The following IQCJ variants were observed in gnomAD, a reference collection of about 807,000 sequenced individuals.
The protein encoded by IQCJ is IQ domain-containing protein J.
Under a neutral mutation model 11.0 loss-of-function variants are expected in IQCJ, and 9 were observed. The ratio of observed to expected loss-of-function variants is 0.82; its 90% confidence interval spans 0.49 to 1.43. The LOEUF (loss-of-function observed/expected upper bound fraction) is 1.43, where lower values mean the gene tolerates loss of function less well. IQCJ is among the 40% of genes most tolerant of loss of function. The probability of loss-of-function intolerance (pLI) is 0.00; values close to 1 mark genes in which losing one functional copy is unlikely to be tolerated. For missense variants in IQCJ, 146 were observed against 133.2 expected, an observed-to-expected ratio of 1.10 and a Z score of -0.47; for synonymous variants, 55 against 51.3, an observed-to-expected ratio of 1.07 and a Z score of -0.31.
At chr3:159,265,173 A>C (rs1728428917), downstream of IQCJ, 1 of 1,543,316 alleles carries the variant, frequency 6.5e-7, no homozygotes, top group Non-Finnish European at 8.8e-7. Flanking sequence ...AGTTGTTTGG[A>C]GTTTAGTGAG....
At chr3:159,084,969 A>AG (rs1159920252) in intron 1 of IQCJ, among the ~76,000 whole-genome samples, 3 of 151,740 alleles carry the variant, frequency 2.0e-5, no homozygotes, top group Non-Finnish European at 4.4e-5. Flanking sequence ...TACAATGTGC[A>AG]GGTTAGTTAC....
At chr3:159,178,619 C>A (rs1722921633) in intron 1 of IQCJ, among the ~76,000 whole-genome samples, 1 of 152,198 alleles carries the variant, frequency 6.6e-6, no homozygotes, top group Non-Finnish European at 1.5e-5. Flanking sequence ...GCGTTGTATG[C>A]TTTCTCACCT....
chr3:159,241,924 G>T (rs1280039407), intron 1 of IQCJ, among the ~76,000 whole-genome samples: 1 of 152,198 alleles, frequency 6.6e-6, no homozygotes, highest in Admixed American at 6.5e-5. Context: ...CACAAGTGAT[G>T]GGTGACATTT....
intron 1 of IQCJ, among the ~76,000 whole-genome samples, chr3:159,194,831 G>A (rs986348242): frequency 6.6e-6 from 1 of 152,114 alleles, no homozygotes; most frequent in Non-Finnish European, 1.5e-5. Context: ...TCTGTATCAC[G>A]ACTGGGTGTG....
rs1469185449 is a variant in IQCJ at position 159,212,331 on chromosome 3, C to T, written c.10-33512C>T. 2.0e-5 allele frequency among the ~76,000 whole-genome samples: 3 copies of T among 152,088 alleles called. 1 individual carries two copies. Among genetic ancestry groups the T allele is most frequent in the African/African-American group, 7.2e-5 (3 of 41,420 alleles). ...GCTGCGTGGTCCTATGCCAGTCAAC[C>T]TTGGCACCTCAGTCTTGTTATCTGT... On this transcript the variant is annotated intron_variant, in intron 1 of 3. Transcript: ENST00000397832.
chr3:159,163,033 G>A (rs986452661), intron 1 of IQCJ, among the ~76,000 whole-genome samples: 12 of 152,142 alleles, frequency 7.9e-5, no homozygotes, highest in Non-Finnish European at 1.2e-4. Context: ...AAACTATTCT[G>A]ATCAGTAGAA....
intron 1 of IQCJ, among the ~76,000 whole-genome samples, chr3:159,078,323 G>A (rs577123867): frequency 2.0e-5 from 3 of 152,080 alleles, no homozygotes; most frequent in South Asian, 4.1e-4. Context: ...TTTGAGGGTG[G>A]AAGTAATTTG....
At chr3:159,125,459 C>T (rs971912459) in intron 1 of IQCJ, among the ~76,000 whole-genome samples, 8 of 152,074 alleles carry the variant, frequency 5.3e-5, no homozygotes, top group African/African-American at 9.7e-5. Context: ...TTTGTTGATA[C>T]GAATGTCTCA....
chr3:159,239,322 T>C (rs1478328491), intron 1 of IQCJ, among the ~76,000 whole-genome samples: 1 of 152,212 alleles, frequency 6.6e-6, no homozygotes, highest in East Asian at 1.9e-4. Flanking sequence ...TCCTAGAATG[T>C]GGATAGTCAG....
In IQCJ at chr3:159,246,775, A is replaced by G. The variant is rs561928905; in HGVS notation, c.74+868A>G. Among the ~76,000 whole-genome samples, 7 of 152,348 alleles carry G rather than the reference A, an allele frequency of 4.6e-5. No homozygotes were observed. In the East Asian group the frequency reaches 1.2e-3, roughly 25 times the overall value. Reference sequence around the variant, plus strand: ...AGAAAAGAAGTCTCAGAAGAAATGTAATAGCTGTCCTCAAACATTTGAAGG... The same window carrying G: ...AGAAAAGAAGTCTCAGAAGAAATGTGATAGCTGTCCTCAAACATTTGAAGG... On this transcript the variant is annotated intron_variant, in intron 2 of 3. Transcript: ENST00000397832.
intron 1 of IQCJ, among the ~76,000 whole-genome samples, chr3:159,219,052 C>T (rs1725392988): frequency 6.6e-6 from 1 of 152,052 alleles, no homozygotes; most frequent in Non-Finnish European, 1.5e-5. Flanking sequence ...CATTAAGCCC[C>T]TCTGGATAAT....
intron 1 of IQCJ, among the ~76,000 whole-genome samples, chr3:159,195,035 C>T (rs1193032986): frequency 1.3e-5 from 2 of 151,620 alleles, no homozygotes; most frequent in African/African-American, 4.8e-5. Context: ...CATTTGAACC[C>T]GGGAGGCGGA....
chr3:159,218,806 C>A (rs1471057862), intron 1 of IQCJ, among the ~76,000 whole-genome samples: 1 of 152,122 alleles, frequency 6.6e-6, no homozygotes, highest in Non-Finnish European at 1.5e-5. Context: ...GATTTATGAT[C>A]TCACAGTCCC....
chr3:159,165,570 G>A (rs934140902), intron 1 of IQCJ, among the ~76,000 whole-genome samples: 3 of 151,764 alleles, frequency 2.0e-5, no homozygotes, highest in Non-Finnish European at 4.4e-5. Flanking sequence ...GTGAAGCTGG[G>A]GCTATTGTTA....
chr3:159,123,368 T>G (rs1480910394), intron 1 of IQCJ, among the ~76,000 whole-genome samples: 2 of 152,136 alleles, frequency 1.3e-5, no homozygotes, highest in Admixed American at 6.5e-5. Flanking sequence ...GAATTCACAC[T>G]GCCCACATGA....
intron 1 of IQCJ, among the ~76,000 whole-genome samples, chr3:159,212,853 T>G (rs540566135): frequency 1.6e-4 from 24 of 152,244 alleles, no homozygotes; most frequent in Non-Finnish European, 2.5e-4. Flanking sequence ...CCTCAACCAC[T>G]AAAACCTGAC....
intron 1 of IQCJ, among the ~76,000 whole-genome samples, chr3:159,153,393 A>G (rs926304606): frequency 2.0e-5 from 3 of 152,184 alleles, no homozygotes; most frequent in African/African-American, 7.2e-5. Flanking sequence ...GCTCTGAGTT[A>G]TTGCATCTAT....
At chr3:159,072,373 A>G (rs6773958) in intron 1 of IQCJ, among the ~76,000 whole-genome samples, 51,038 of 151,796 alleles carry the variant, frequency 0.34, 10,214 homozygotes, top group Non-Finnish European at 0.46. Context: ...TAATAGGAGA[A>G]TTTGGAGTGG....
intron 1 of IQCJ, among the ~76,000 whole-genome samples, chr3:159,189,260 A>C (rs1560018876): frequency 6.6e-6 from 1 of 152,212 alleles, no homozygotes; most frequent in Non-Finnish European, 1.5e-5. Flanking sequence ...GGTGCAGTTC[A>C]AGTACATGAT....
Sources: allele counts gnomAD v4.1 joint callset (sites outside exome capture counted in the v4.1 genomes callset), GRCh38; gene constraint gnomAD v4.1.1; transcripts MANE v1.5; gene names NCBI Gene and HGNC (gene_info 2026-07-23, HGNC 2026-07-21).